The following THADA variants were observed in gnomAD, a reference collection of about 807,000 sequenced individuals.
THADA encodes THADA armadillo repeat containing.
In THADA, 213 loss-of-function variants were observed where a neutral mutation model predicts 219.8. The ratio of observed to expected loss-of-function variants is 0.97; its 90% CI spans 0.87 to 1.09. The LOEUF (loss-of-function observed/expected upper bound fraction) is 1.09, where lower values mean the gene tolerates loss of function less well. Among genes scored for constraint, THADA ranks in the 50% least tolerant of loss-of-function variants. The pLI is 0.00. For synonymous variants in THADA, 1,018 were observed against 828.9 expected, an observed-to-expected ratio of 1.23 and a Z score of -3.92; for missense variants, 2,956 against 2,311.3, an observed-to-expected ratio of 1.28 and a Z score of -5.72.
intron 36 of THADA, 32 bp downstream of exon 36, chr2:43,279,733 T>C: frequency 1.3e-6 from 2 of 1,540,604 alleles, no homozygotes; most frequent in Non-Finnish European, 1.7e-6. Flanking sequence ...CCTGCAGCGA[T>C]AAGACAATGC....
intron 26 of THADA, among the ~76,000 whole-genome samples, chr2:43,455,642 G>T (rs1682899793): frequency 6.6e-6 from 1 of 152,158 alleles, no homozygotes; most frequent in Non-Finnish European, 1.5e-5. Flanking sequence ...AGGCTAACAA[G>T]AAGACACAAG....
intron 29 of THADA, among the ~76,000 whole-genome samples, chr2:43,397,477 GT>G (rs894116396): frequency 6.6e-6 from 1 of 152,036 alleles, no homozygotes; most frequent in Admixed American, 6.6e-5. Context: ...AAAGTAATAA[GT>G]TTTTTTTGGT....
At chr2:43,389,957 A>G (rs1673154079) in intron 29 of THADA, among the ~76,000 whole-genome samples, 1 of 152,206 alleles carries the variant, frequency 6.6e-6, no homozygotes, top group South Asian at 2.1e-4. Flanking sequence ...TTGAGAGCAG[A>G]GAATATGCTA....
At chr2:43,257,058 C>A (rs537983224) in intron 36 of THADA, among the ~76,000 whole-genome samples, 7 of 152,138 alleles carry the variant, frequency 4.6e-5, no homozygotes, top group African/African-American at 1.7e-4. Context: ...GATGGGAAAA[C>A]GCCTCCCATC....
intron 29 of THADA, among the ~76,000 whole-genome samples, chr2:43,369,551 C>A (rs1157425960): frequency 6.6e-6 from 1 of 152,182 alleles, no homozygotes; most frequent in African/African-American, 2.4e-5. Flanking sequence ...CTCTTCCACA[C>A]TTAAACCAGT....
At chr2:43,325,867 A>G (rs1679263783) in intron 30 of THADA, among the ~76,000 whole-genome samples, 1 of 152,220 alleles carries the variant, frequency 6.6e-6, no homozygotes, top group Non-Finnish European at 1.5e-5. Flanking sequence ...TGACTGGTCT[A>G]GCTTTTTTCT....
At chr2:43,335,846 C>T (rs1573127191) in intron 30 of THADA, among the ~76,000 whole-genome samples, 1 of 149,674 alleles carries the variant, frequency 6.7e-6, no homozygotes, top group East Asian at 2.0e-4. Context: ...CATCTGTAAT[C>T]TCAGCACTTT....
At chr2:43,483,488 T>C (rs756997007) in intron 26 of THADA, among the ~76,000 whole-genome samples, 2 of 152,172 alleles carry the variant, frequency 1.3e-5, no homozygotes, top group Non-Finnish European at 2.9e-5. Context: ...TAATGGTCCA[T>C]ACCGATCTTC....
chr2:43,472,915 A>AT (rs920631655), intron 26 of THADA, among the ~76,000 whole-genome samples: 1 of 152,112 alleles, frequency 6.6e-6, no homozygotes, highest in Admixed American at 6.5e-5. Context: ...GCTATAAGAG[A>AT]TAAAAAAAAA....
At chr2:43,556,590 T>A in intron 16 of THADA, 35 bp from the exon 17 acceptor site, 1 of 1,575,828 alleles carries the variant, frequency 6.3e-7, no homozygotes, top group Non-Finnish European at 8.7e-7. Flanking sequence ...ACTGTCAAAT[T>A]AAAGATCTCT....
chr2:43,550,235 A>G (rs1696591330), intron 19 of THADA, among the ~76,000 whole-genome samples: 1 of 152,236 alleles, frequency 6.6e-6, no homozygotes, highest in Admixed American at 6.5e-5. Context: ...ATCATCTGAA[A>G]TCAATTAACA....
At chr2:43,438,039 C>T (rs7609283) in intron 26 of THADA, among the ~76,000 whole-genome samples, 16,827 of 152,054 alleles carry the variant, frequency 0.11, 1,074 homozygotes, top group African/African-American at 0.16. Flanking sequence ...CGGTGGCTCA[C>T]GCCTGTAATC....
At chr2:43,279,193 G>A (rs555233811) in intron 36 of THADA, among the ~76,000 whole-genome samples, 52 of 152,224 alleles carry the variant, frequency 3.4e-4, no homozygotes, top group African/African-American at 1.1e-3. Context: ...CCGCTTATAC[G>A]ACGGCTGCGA....
chr2:43,310,558 T>C (rs1423820621), intron 31 of THADA, among the ~76,000 whole-genome samples: 1 of 152,196 alleles, frequency 6.6e-6, no homozygotes, highest in Non-Finnish European at 1.5e-5. Context: ...GGAATGAGGC[T>C]GAATCTGTAC....
intron 29 of THADA, 62 bp downstream of exon 29, chr2:43,397,909 A>G (rs1674279778): frequency 7.0e-6 from 11 of 1,572,026 alleles, no homozygotes; most frequent in African/African-American, 4.0e-5. Flanking sequence ...CTAACAGTAC[A>G]TAAGAAACCA....
intron 30 of THADA, among the ~76,000 whole-genome samples, chr2:43,329,047 A>C (rs560671984): frequency 6.6e-6 from 1 of 152,316 alleles, no homozygotes; most frequent in African/African-American, 2.4e-5. Context: ...GGATTTGTTC[A>C]AAGCCTGGGG....
chr2:43,275,204 C>A (rs1672594992), intron 36 of THADA, among the ~76,000 whole-genome samples: 1 of 152,006 alleles, frequency 6.6e-6, no homozygotes, highest in Admixed American at 6.5e-5. Context: ...GGGGTTTCAC[C>A]ATGTTGGCCA....
intron 17 of THADA, among the ~76,000 whole-genome samples, chr2:43,555,000 C>T (rs1171727954): frequency 6.6e-6 from 1 of 152,080 alleles, no homozygotes; most frequent in African/African-American, 2.4e-5. Context: ...ACTCAAAAAG[C>T]TTTGGATTTT....
rs1002162520 is a variant in THADA, at chr2:43,583,149, A to G, written c.534-1221T>C. Among the ~76,000 whole-genome samples, 4 of 152,122 alleles carry G rather than the reference A, an allele frequency of 2.6e-5. No individual in the cohort carries two copies. In the East Asian group the frequency reaches 7.7e-4, roughly 29 times the overall value. On this transcript the variant is annotated intron_variant, in intron 7 of 37. Transcript: ENST00000405975. ...GTCTAATTCCTTTCTGGTATATCTA[A>G]CTTCCTGATATTTTTACTTGGATGT...
Sources: gnomAD v4.1 joint callset for allele counts (sites outside exome capture counted in the v4.1 genomes callset) on GRCh38, gnomAD v4.1.1 for gene constraint, MANE v1.5 for transcripts, NCBI Gene and HGNC (gene_info 2026-07-23, HGNC 2026-07-21) for gene names.